Variants in CNTN4 observed in about 807,000 individuals in gnomAD.
CNTN4 encodes the protein contactin 4.
A neutral mutation model predicts 122.5 loss-of-function variants in CNTN4; 77 were observed. That is an observed-to-expected ratio of 0.63 (90% confidence interval 0.52 to 0.76). The LOEUF (loss-of-function observed/expected upper bound fraction) is 0.76. Ranked by LOEUF, CNTN4 falls within the 30% of genes least tolerant of loss-of-function variation. The pLI is 0.00. For synonymous variants in CNTN4, 512 were observed against 447.0 expected (o/e 1.15, Z -1.83); for missense variants, 1,256 against 1,259.1 (o/e 1.00, Z 0.04).
intron 6 of CNTN4, among the ~76,000 whole-genome samples, chr3:2,754,995 G>T (rs549860930): frequency 5.1e-4 from 78 of 152,244 alleles, no homozygotes; most frequent in South Asian, 1.2e-3. Context: ...CTGTAATGAT[G>T]GTGGTGGTAG....
chr3:2,662,745 C>T (rs2083960395), intron 4 of CNTN4, among the ~76,000 whole-genome samples: 1 of 152,178 alleles, frequency 6.6e-6, no homozygotes. Context: ...GCACTATTGA[C>T]ACCCTACGAA....
rs549301126 is a variant in CNTN4, at chr3:2,296,402, A to T, written c.-144-42776A>T. Among the ~76,000 whole-genome samples the T allele has an allele frequency of 3.9e-5, 6 of 152,156 alleles. No homozygotes were observed. The East Asian group carries it at 5.8e-4, about 15-fold the overall frequency. On this transcript the variant is annotated intron_variant, in intron 2 of 24. Transcript: ENST00000418658. ...TGAAGAGGTCCTTTACATCCCTTGT[A>T]AGTTGGATTCCTAGGTATTTTATTC...
In CNTN4 at chr3:2,958,211, C is replaced by A. The variant is rs79940916; in HGVS notation, c.1359-30134C>A. Reference sequence around the variant, plus strand: ...AGCATTGTTGCCTCCAATTAAGAAACACTGGTTTATGAGGAAAGAAAGTGC... The same window carrying A: ...AGCATTGTTGCCTCCAATTAAGAAAAACTGGTTTATGAGGAAAGAAAGTGC... On this transcript the variant is annotated intron_variant, in intron 13 of 24. Coordinates refer to ENST00000418658, the MANE Select transcript of CNTN4 (RefSeq NM_175607.3). Among the ~76,000 whole-genome samples the A allele has an allele frequency of 5.1e-3, 772 of 152,266 alleles. 8 individuals are homozygous for A. Among genetic ancestry groups the A allele is most frequent in the African/African-American group, 0.018 (727 of 41,538 alleles).
chr3:2,148,664 A>G (rs2035358013), intron 2 of CNTN4, among the ~76,000 whole-genome samples: 1 of 152,156 alleles, frequency 6.6e-6, no homozygotes, highest in Non-Finnish European at 1.5e-5. Flanking sequence ...TGTAAATCTT[A>G]TGAGGCTTGA....
Position 3,057,644 on chromosome 3 carries a change from T to C in CNTN4, c.*1424T>C, listed in dbSNP as rs535296346. The C allele has an allele frequency of 1.0e-4, 16 of 152,750 alleles. No individual in the cohort carries two copies. Among genetic ancestry groups the C allele is most frequent in the Non-Finnish European group, 4.4e-5 (3 of 68,020 alleles). 9.5% of individuals were successfully genotyped at this position (152,750 alleles called of 1,614,324 possible). ...CATTTTTGCTTACAAATAATATAAC[T>C]TTTCAACCTTCTAGTTATATTTATC... On this transcript the variant is annotated 3_prime_UTR_variant, in exon 25 of 25. Transcript: ENST00000418658.
intron 3 of CNTN4, among the ~76,000 whole-genome samples, chr3:2,474,088 T>G (rs1054216990): frequency 1.3e-5 from 2 of 152,154 alleles, no homozygotes; most frequent in African/African-American, 4.8e-5. Flanking sequence ...CTTCTGGGAC[T>G]GTCTGCCGGG....
intron 3 of CNTN4, among the ~76,000 whole-genome samples, chr3:2,518,402 T>G (rs1404786843): frequency 6.6e-6 from 1 of 152,198 alleles, no homozygotes; most frequent in East Asian, 1.9e-4. Flanking sequence ...TAGACTGAAC[T>G]ATTTCACTTG....
intron 2 of CNTN4, among the ~76,000 whole-genome samples, chr3:2,188,015 GA>G (rs36117332): frequency 6.6e-6 from 1 of 151,026 alleles, no homozygotes; most frequent in African/African-American, 2.4e-5. Context: ...TGAAAAGGGA[GA>G]AAAAAAAAGT....
At chr3:2,169,335 G>A (rs1035681227) in intron 2 of CNTN4, among the ~76,000 whole-genome samples, 2 of 152,096 alleles carry the variant, frequency 1.3e-5, no homozygotes, top group African/African-American at 2.4e-5. Context: ...TATTTTGAAA[G>A]ATGTTTAACG....
intron 3 of CNTN4, among the ~76,000 whole-genome samples, chr3:2,553,414 T>C (rs2078595722): frequency 6.6e-6 from 1 of 152,190 alleles, no homozygotes; most frequent in African/African-American, 2.4e-5. Context: ...GTAAGATGCA[T>C]TTGGGCCTTT....
chr3:2,493,039 A>G (rs1377986497), intron 3 of CNTN4, among the ~76,000 whole-genome samples: 4 of 152,180 alleles, frequency 2.6e-5, no homozygotes, highest in Non-Finnish European at 2.9e-5. Flanking sequence ...GTTCTTAAAA[A>G]CAGCTGCACA....
chr3:2,932,547 A>G (rs947715604), intron 13 of CNTN4, among the ~76,000 whole-genome samples: 27 of 152,294 alleles, frequency 1.8e-4, no homozygotes, highest in South Asian at 8.3e-4. Context: ...GGTCACCTCC[A>G]TTCCTTGGCT....
intron 3 of CNTN4, among the ~76,000 whole-genome samples, chr3:2,426,758 G>C (rs893517227): frequency 6.6e-6 from 1 of 152,092 alleles, no homozygotes; most frequent in African/African-American, 2.4e-5. Flanking sequence ...GGCTGTTATT[G>C]GTCTATTCAG....
chr3:2,535,675 TTA>T (rs1436000197), intron 3 of CNTN4, among the ~76,000 whole-genome samples: 2 of 152,160 alleles, frequency 1.3e-5, no homozygotes, highest in Non-Finnish European at 2.9e-5. Flanking sequence ...CCCTGTTTCT[TTA>T]TGTTAAACCT....
chr3:2,624,487 A>C (rs1297464334), intron 4 of CNTN4, among the ~76,000 whole-genome samples: 2 of 151,966 alleles, frequency 1.3e-5, no homozygotes, highest in Non-Finnish European at 2.9e-5. Flanking sequence ...CAACCTTGCA[A>C]CCTGCCTGTC....
chr3:2,379,461 A>C (rs970179548), intron 3 of CNTN4, among the ~76,000 whole-genome samples: 2 of 152,120 alleles, frequency 1.3e-5, no homozygotes, highest in African/African-American at 2.4e-5. Flanking sequence ...GAGGTGGTTG[A>C]CCTCAATATC....
intron 13 of CNTN4, among the ~76,000 whole-genome samples, chr3:2,971,410 A>G (rs1476967353): frequency 6.6e-6 from 1 of 152,096 alleles, no homozygotes. Flanking sequence ...CTCTTTCATC[A>G]GAAGAGTAAT....
intron 2 of CNTN4, among the ~76,000 whole-genome samples, chr3:2,285,695 C>A (rs1175766411): frequency 6.6e-6 from 1 of 152,026 alleles, no homozygotes; most frequent in Non-Finnish European, 1.5e-5. Context: ...TTCTGTAATT[C>A]TTACACGAAG....
At chr3:2,471,629 T>C (rs1410081836) in intron 3 of CNTN4, among the ~76,000 whole-genome samples, 1 of 152,184 alleles carries the variant, frequency 6.6e-6, no homozygotes, top group Admixed American at 6.5e-5. Flanking sequence ...TCATCTGGCT[T>C]TGTTGAATTG....
Sources: allele counts gnomAD v4.1 joint callset (sites outside exome capture counted in the v4.1 genomes callset), GRCh38; gene constraint gnomAD v4.1.1; transcripts MANE v1.5; gene names NCBI Gene and HGNC (gene_info 2026-07-23, HGNC 2026-07-21).